The following ZAR1L variants were observed in gnomAD, a reference collection of about 807,000 sequenced individuals.
ZAR1L encodes zygote arrest 1 like.
A neutral mutation model predicts 30.0 loss-of-function variants in ZAR1L; 16 were observed. The ratio of observed to expected loss-of-function variants is 0.53; its 90% CI spans 0.36 to 0.81. The LOEUF is 0.81. Ranked by LOEUF, ZAR1L falls within the 30% of genes least tolerant of loss-of-function variation. The probability of loss-of-function intolerance (pLI) is 0.00; values close to 1 mark genes in which losing one functional copy is unlikely to be tolerated. For missense variants in ZAR1L, 392 were observed against 417.2 expected, an observed-to-expected ratio of 0.94 and a Z score of 0.53; for synonymous variants, 197 against 166.8, an observed-to-expected ratio of 1.18 and a Z score of -1.40.
chr13:32,304,637 A>G (rs1423254256), intron 5 of ZAR1L, among the ~76,000 whole-genome samples: 1 of 152,060 alleles, frequency 6.6e-6, no homozygotes, highest in African/African-American at 2.4e-5. Flanking sequence ...GATGTGCCCA[A>G]TCTTTACTAG....
At position 32,308,716 on chromosome 13, in the gene ZAR1L, G is replaced by T; in HGVS notation, c.792C>A (p.Asn264Lys). ...ATTGGATTGCTTCTACTCGATAAGG[G>T]TTAAAACTCTTTTGGCATTTACAAC... ...QLCCKCQKSFNPYRVEAIQCQ... is the reference protein window; with the variant it reads ...QLCCKCQKSFKPYRVEAIQCQ... Residue 264 changes from asparagine (N) to lysine (K), a missense_variant, in exon 5 of 6, where the codon AAC (asparagine) becomes AAA (lysine). Physicochemically the swap from Asn to Lys is moderately conservative, Grantham distance 94. Transcript: ENST00000533490. The T allele has an allele frequency of 6.4e-7, 1 of 1,551,044 alleles. No individual in the cohort carries two copies. Among genetic ancestry groups the T allele is most frequent in the Admixed American group, 2.0e-5 (1 of 50,984 alleles).
At chr13:32,304,067 G>C (rs2072157532) in intron 5 of ZAR1L, 45 bp from the exon 6 acceptor site, 3 of 1,528,886 alleles carry the variant, frequency 2.0e-6, no homozygotes, top group Admixed American at 2.1e-5. Flanking sequence ...GATCAGTTTA[G>C]TGTTTCAAAT....
intron 5 of ZAR1L, among the ~76,000 whole-genome samples, chr13:32,304,950 C>G (rs1241673697): frequency 6.6e-6 from 1 of 151,704 alleles, no homozygotes; most frequent in Non-Finnish European, 1.5e-5. Context: ...GCTGGAATTA[C>G]AGGCAATCGC....
At chr13:32,304,061 A>G (rs2138683783) in intron 5 of ZAR1L, 39 bp from the exon 6 acceptor site, 1 of 1,531,904 alleles carries the variant, frequency 6.5e-7, no homozygotes, top group Non-Finnish European at 8.8e-7. Flanking sequence ...CTAAATGATC[A>G]GTTTAGTGTT....
At position 32,311,556 on chromosome 13, in the gene ZAR1L, G is replaced by T; in HGVS notation, c.370C>A (p.Gln124Lys). 2 of 1,534,378 alleles carry T rather than the reference G, an allele frequency of 1.3e-6. No homozygotes were observed. Among genetic ancestry groups the T allele is most frequent in the Non-Finnish European group, 8.8e-7 (1 of 1,139,170 alleles). The change falls in exon 3 of 6, where the codon CAG becomes AAG. Residue 124 changes from glutamine (Q) to lysine (K), a missense_variant. Physicochemically the swap from Gln to Lys is moderately conservative, Grantham distance 53 (BLOSUM62 1). Coordinates refer to ENST00000533490, the MANE Select transcript of ZAR1L (RefSeq NM_001136571.2). ...SCSPWDGRDP[Q>K]EPLPACGVTS... The stretch of plus-strand genomic sequence containing the variant: ...ACCCCACAGGCTGGCAGGGGCTCCT[G>T]GGGGTCTCTGCCGTCCCAGGGGGAG...
intron 1 of ZAR1L, among the ~76,000 whole-genome samples, chr13:32,315,064 A>G (rs997243935): frequency 1.3e-5 from 2 of 152,168 alleles, no homozygotes; most frequent in Admixed American, 6.5e-5. Flanking sequence ...GAAGTCATCC[A>G]CAACCACACA....
At chr13:32,314,799 C>G (rs892761131) in intron 1 of ZAR1L, among the ~76,000 whole-genome samples, 1 of 152,014 alleles carries the variant, frequency 6.6e-6, no homozygotes, top group Non-Finnish European at 1.5e-5. Flanking sequence ...TTGCGGTGAG[C>G]GGAGATTGCG....
Position 32,303,969 on chromosome 13 carries a change from T to A in ZAR1L, c.876A>T (p.Leu292=). The part of the protein sequence containing the change: ...SCPQKKRHID[L]RRPHRQELCG... ...ACAGTTCCTGTCGATGAGGCCTCCT[T>A]AGATCAATGTGTCTCTTCTTTTGAG... is the stretch of plus-strand genomic sequence containing the variant. Residue 292 remains leucine, a synonymous_variant, in exon 6 of 6, where the codon CTA becomes CTT. Coordinates refer to ENST00000533490, the MANE Select transcript of ZAR1L (RefSeq NM_001136571.2). 2 of 1,552,116 alleles carry A rather than the reference T, an allele frequency of 1.3e-6. No individual in the cohort carries two copies. The highest frequency in any genetic ancestry group is 2.4e-5 in the South Asian group (2 of 84,066).
chr13:32,312,187 C>CT, intron 2 of ZAR1L, 94 bp from the exon 3 acceptor site: 2 of 432,106 alleles, frequency 4.6e-6, no homozygotes, highest in Non-Finnish European at 8.2e-6. Flanking sequence ...GTTCGGGAAT[C>CT]TTTTTTTCAA....
In ZAR1L at chr13:32,311,515, G is replaced by C; in HGVS notation, c.411C>G (p.Thr137=). 6.5e-7 allele frequency: 1 copy of C among 1,538,078 alleles called. No individual in the cohort carries two copies. The highest frequency in any genetic ancestry group is 8.8e-7 in the Non-Finnish European group (1 of 1,141,440). Residue 137 remains threonine (T), a synonymous_variant, in exon 3 of 6, where the codon ACC becomes ACG. Transcript: ENST00000533490. ...GCAGGCGGATCAAGCCCCTGCGGCC[G>C]GTGGCGGGCGAAGTGACCCCACAGG... is the stretch of plus-strand genomic sequence containing the variant. The part of the protein sequence containing the change: ...LPACGVTSPA[T]GRRGLIRLRR...
chr13:32,307,294 T>C (rs172241), intron 5 of ZAR1L, among the ~76,000 whole-genome samples: 57,149 of 150,768 alleles, frequency 0.38, 10,974 homozygotes, highest in East Asian at 0.49. Flanking sequence ...ATGTCAGGAG[T>C]TTGAGACCAG....
At chr13:32,313,981 A>G (rs1318152018) in intron 2 of ZAR1L, among the ~76,000 whole-genome samples, 1 of 152,246 alleles carries the variant, frequency 6.6e-6, no homozygotes. Flanking sequence ...ATCACAGGTT[A>G]GTTAAGTGTA....
At position 32,311,598 on chromosome 13, in the gene ZAR1L, G is replaced by C. The variant is rs1371860380; in HGVS notation, c.328C>G (p.Arg110Gly). Reference protein sequence around the residue: ...DKAVQCSLGPRTLSSCSPWDG... With the variant: ...DKAVQCSLGPGTLSSCSPWDG... ...CAGGGGGAGCAGCTGCTGAGGGTGC[G>C]AGGCCCCAGAGAGCACTGCACAGCC... is the stretch of plus-strand genomic sequence containing the variant. Residue 110 changes from arginine to glycine, a missense_variant, in exon 3 of 6, where the codon CGC becomes GGC. Physicochemically the swap from Arg to Gly is moderately radical, Grantham distance 125 (BLOSUM62 -2). Transcript: ENST00000533490. The C allele has an allele frequency of 1.3e-6, 2 of 1,546,542 alleles. No individual in the cohort carries two copies. Among genetic ancestry groups the C allele is most frequent in the Admixed American group, 3.9e-5 (2 of 50,796 alleles).
chr13:32,315,136 C>T (rs2072241057), intron 1 of ZAR1L, among the ~76,000 whole-genome samples, 179 bp downstream of exon 1: 1 of 152,110 alleles, frequency 6.6e-6, no homozygotes, highest in Admixed American at 6.5e-5. Context: ...GAGAGAACAT[C>T]CCTTTTAAGG....
chr13:32,312,176 T>C lies in ZAR1L; in HGVS notation c.-168-83A>G, dbSNP rs569430648. The C allele has an allele frequency of 2.6e-5, 12 of 464,650 alleles. No homozygotes were observed. In the South Asian group the frequency reaches 4.5e-4, roughly 17 times the overall value. 28.8% of individuals were successfully genotyped at this position (464,650 alleles called of 1,614,324 possible). A position where few individuals can be genotyped will look rare whatever the true frequency, so the allele number is the denominator to read the frequency against. On this transcript the variant is annotated intron_variant, in intron 2 of 5. Transcript: ENST00000533490. ...TAATTGCTTTTCCCTACCTCTTCACTGTTCGGGAATCTTTTTTTCAAAGCT... is the reference window on the plus strand; with the variant it reads ...TAATTGCTTTTCCCTACCTCTTCACCGTTCGGGAATCTTTTTTTCAAAGCT...
At chr13:32,312,378 A>C (rs941481518) in intron 2 of ZAR1L, among the ~76,000 whole-genome samples, 28 of 152,240 alleles carry the variant, frequency 1.8e-4, no homozygotes, top group Non-Finnish European at 4.0e-4. Flanking sequence ...TAATAGAAGT[A>C]CCAGATAATC....
chr13:32,306,135 C>T (rs1460330517), intron 5 of ZAR1L, among the ~76,000 whole-genome samples: 1 of 152,008 alleles, frequency 6.6e-6, no homozygotes, highest in Non-Finnish European at 1.5e-5. Context: ...GTTTTAATCA[C>T]AGATTAAAAA....
Position 32,311,409 on chromosome 13 carries a change from A to T in ZAR1L, c.517T>A (p.Ser173Thr). The T allele has an allele frequency of 6.5e-7, 1 of 1,549,942 alleles. No homozygotes were observed. Among genetic ancestry groups the T allele is most frequent in the East Asian group, 2.4e-5 (1 of 40,890 alleles). ...GGCTCCTCCTGCCTGTCAGCTCCTG[A>T]CCTCCGTGATGGTGGCTGCGGCTGG... The part of the protein sequence containing the change: ...ASQPQPPSRR[S>T]GADRQEEPGQ... Residue 173 changes from serine (S) to threonine (T), a missense_variant, in exon 3 of 6, where the codon TCA becomes ACA. Physicochemically the swap from Ser to Thr is moderately conservative, Grantham distance 58. Transcript: ENST00000533490.
chr13:32,308,385 C>T (rs1466491702), intron 5 of ZAR1L, among the ~76,000 whole-genome samples: 1 of 152,180 alleles, frequency 6.6e-6, no homozygotes, highest in Non-Finnish European at 1.5e-5. Flanking sequence ...CAAAATTTGG[C>T]ATGTAGTAAA....
Sources: gnomAD v4.1 joint callset for allele counts (sites outside exome capture counted in the v4.1 genomes callset) on GRCh38, gnomAD v4.1.1 for gene constraint, MANE v1.5 for transcripts, NCBI Gene and HGNC (gene_info 2026-07-23, HGNC 2026-07-21) for gene names.